The following ASXL2 variants were observed in gnomAD, a reference collection of about 807,000 sequenced individuals.
ASXL2 encodes ASXL transcriptional regulator 2, also known as putative Polycomb group protein ASXL2.
Under a neutral mutation model 122.0 loss-of-function variants are expected in ASXL2, and 23 were observed. That is an observed-to-expected ratio of 0.19 (90% CI 0.14 to 0.27). ASXL2 has a LOEUF of 0.27. Ranked by LOEUF, ASXL2 falls within the 10% of genes least tolerant of loss-of-function variation. ASXL2 has a pLI of 1.00. For missense variants in ASXL2, 1,518 were observed against 1,713.8 expected (o/e 0.89, Z 2.02); for synonymous variants, 650 against 637.0 (o/e 1.02, Z -0.31).
Position 25,742,622 on chromosome 2 carries a change from C to T in ASXL2, c.3715G>A (p.Glu1239Lys). 1 of 1,613,940 alleles carries T rather than the reference C, an allele frequency of 6.2e-7. No homozygotes were observed. Among genetic ancestry groups the T allele is most frequent in the East Asian group, 2.2e-5 (1 of 44,874 alleles). Residue 1239 changes from glutamate to lysine, a missense_variant, in exon 13 of 13, where the codon GAG becomes AAG. This residue lies in a region of ASXL2 where 831 missense variants were observed against 833.1 expected (regional missense o/e 1.00). Transcript: ENST00000435504. The part of the protein sequence containing the change: ...KNVKAEIPLN[E>K]QTTLSKENYL... ...TTCTCCTTACTTAAAGTGGTTTGCT[C>T]ATTCAATGGTATCTCAGCCTTCACA...
chr2:25,795,408 C>T (rs1273177073), intron 5 of ASXL2, among the ~76,000 whole-genome samples: 3 of 152,158 alleles, frequency 2.0e-5, no homozygotes, highest in African/African-American at 2.4e-5. Context: ...TCTACCTATT[C>T]GGCTACTGAC....
chr2:25,777,646 A>T (rs937123585), intron 5 of ASXL2, among the ~76,000 whole-genome samples: 2 of 152,112 alleles, frequency 1.3e-5, no homozygotes, highest in African/African-American at 4.8e-5. Context: ...CTTCTGTCTT[A>T]TAATTCCTTT....
At chr2:25,775,740 C>A (rs931743676) in intron 5 of ASXL2, among the ~76,000 whole-genome samples, 27 of 152,292 alleles carry the variant, frequency 1.8e-4, no homozygotes, top group African/African-American at 6.5e-4. Context: ...ATAAATTACC[C>A]AGTCTCAGGT....
chr2:25,767,886 A>G (rs1404435025), intron 7 of ASXL2, among the ~76,000 whole-genome samples, 160 bp from the exon 8 acceptor site: 2 of 152,230 alleles, frequency 1.3e-5, no homozygotes, highest in Middle Eastern at 3.2e-3. Flanking sequence ...GAGTAAAATA[A>G]AACCCTGTTT....
intron 2 of ASXL2, among the ~76,000 whole-genome samples, chr2:25,843,743 A>G (rs1290660505): frequency 2.0e-5 from 3 of 149,756 alleles, no homozygotes; most frequent in African/African-American, 7.4e-5. Flanking sequence ...TGAAGGCTGC[A>G]GTACACCATG....
At chr2:25,806,705 G>A (rs1159548619) in intron 3 of ASXL2, among the ~76,000 whole-genome samples, 1 of 152,078 alleles carries the variant, frequency 6.6e-6, no homozygotes, top group Non-Finnish European at 1.5e-5. Flanking sequence ...CAAATAAACA[G>A]TAATAATTCC....
At chr2:25,793,329 A>C (rs997451) in intron 5 of ASXL2, among the ~76,000 whole-genome samples, 2,927 of 152,280 alleles carry the variant, frequency 0.019, 302 homozygotes, top group Admixed American at 0.16. Context: ...TCGTTGCTGG[A>C]TATTTACATA....
chr2:25,807,346 A>G (rs1206243256), intron 3 of ASXL2, among the ~76,000 whole-genome samples: 3 of 152,196 alleles, frequency 2.0e-5, no homozygotes, highest in African/African-American at 7.2e-5. Context: ...GAGCTGGGAC[A>G]TGAGTCCACT....
intron 5 of ASXL2, among the ~76,000 whole-genome samples, chr2:25,781,357 C>T (rs2088633915): frequency 1.3e-5 from 2 of 151,750 alleles, no homozygotes; most frequent in South Asian, 2.1e-4. Flanking sequence ...CGTGATGGTG[C>T]TACTGCACTC....
chr2:25,792,769 C>T (rs1350487676), intron 5 of ASXL2, among the ~76,000 whole-genome samples: 1 of 151,626 alleles, frequency 6.6e-6, no homozygotes, highest in African/African-American at 2.4e-5. Flanking sequence ...CCACACCCAG[C>T]TAATTTTTGT....
At chr2:25,811,992 A>C (rs2089175933) in intron 3 of ASXL2, among the ~76,000 whole-genome samples, 1 of 151,906 alleles carries the variant, frequency 6.6e-6, no homozygotes, top group South Asian at 2.1e-4. Flanking sequence ...ACCTCAAGTG[A>C]TCCACACGCA....
At position 25,744,147 on chromosome 2, in the gene ASXL2, T is replaced by G. The variant is rs1287433846; in HGVS notation, c.2190A>C (p.Glu730Asp). The G allele has an allele frequency of 9.9e-6, 16 of 1,613,998 alleles. No individual in the cohort carries two copies. Among genetic ancestry groups the G allele is most frequent in the Non-Finnish European group, 1.3e-5 (15 of 1,179,876 alleles). The change falls in exon 13 of 13, where the codon GAA becomes GAC. Residue 730 changes from glutamate to aspartate, a missense_variant. Glu to Asp is a conservative substitution (Grantham distance 45). This residue lies in a region of ASXL2 where 831 missense variants were observed against 833.1 expected (regional missense o/e 1.00). Transcript: ENST00000435504. The surrounding 1 kb of genome is among the most constrained non-coding windows in gnomAD (Gnocchi z 4.7). ...CTCCCCTGCTTCCAGTTCCTGCCAG[T>G]TCCAGTGTGGGGCCCTTTCCAGTTT... ...VSETGKGPTL[E>D]LAGTGSRGGT...
At chr2:25,868,943 T>A (rs921976206) in intron 1 of ASXL2, among the ~76,000 whole-genome samples, 3 of 152,040 alleles carry the variant, frequency 2.0e-5, no homozygotes, top group African/African-American at 4.8e-5. Context: ...GGTGGGTGGA[T>A]CACCTCAGGT....
rs2087725398 is a variant in ASXL2, at chr2:25,735,778, T to TA, written c.*6250dup. ...TAGACAACTTTAGCTATTCCAACAA[T>TA]AGTTCTCAAAAAAGGTGCATTTTAT... On this transcript the variant is annotated 3_prime_UTR_variant, in exon 13 of 13. Transcript: ENST00000435504. The TA allele has an allele frequency of 6.6e-6, 1 of 152,206 alleles. No homozygotes were observed. Among genetic ancestry groups the TA allele is most frequent in the Non-Finnish European group, 1.5e-5 (1 of 68,026 alleles). 9.4% of individuals were successfully genotyped at this position (152,206 alleles called of 1,614,324 possible).
At chr2:25,754,629 A>C (rs919015164) in intron 10 of ASXL2, among the ~76,000 whole-genome samples, 2 of 152,180 alleles carry the variant, frequency 1.3e-5, no homozygotes, top group African/African-American at 4.8e-5. Flanking sequence ...GTTGTTGTTC[A>C]TAAAATATGA....
rs2087699666 is a variant in ASXL2, at chr2:25,734,357, T to G, written c.*7672A>C. 4 of 152,130 alleles carry G rather than the reference T, an allele frequency of 2.6e-5. No individual in the cohort carries two copies. 9.4% of individuals were successfully genotyped at this position (152,130 alleles called of 1,614,324 possible). A position where few individuals can be genotyped will look rare whatever the true frequency, so the allele number is the denominator to read the frequency against. ...TGATTATATGTAGGTTAAGCTGGGGTCACTACTGAAGAAGTCTCCAAACTA... is the reference window on the plus strand; with the variant it reads ...TGATTATATGTAGGTTAAGCTGGGGGCACTACTGAAGAAGTCTCCAAACTA... On this transcript the variant is annotated 3_prime_UTR_variant, in exon 13 of 13. Transcript: ENST00000435504.
In ASXL2 at chr2:25,742,268, C is replaced by T. The variant is rs2087841607; in HGVS notation, c.4069G>A (p.Val1357Ile). 2.5e-6 allele frequency: 4 copies of T among 1,613,890 alleles called. No individual in the cohort carries two copies. Among genetic ancestry groups the T allele is most frequent in the Non-Finnish European group, 3.4e-6 (4 of 1,179,900 alleles). The part of the protein sequence containing the change: ...GSQVSSNVGD[V>I]MSFSVTVTTI... ...GTGACAGTCACTGAAAATGACATGA[C>T]ATCACCTACATTGCTAGATACCTGG... is the stretch of plus-strand genomic sequence containing the variant. Residue 1357 changes from valine (V) to isoleucine (I), a missense_variant, in exon 13 of 13, where the codon GTC becomes ATC. Around this residue, in one of 8 missense-constraint regions of ASXL2, gnomAD observed 831 missense variants for 833.1 expected, o/e 1.00. Coordinates refer to ENST00000435504, the MANE Select transcript of ASXL2 (RefSeq NM_018263.6).
chr2:25,828,824 C>CAAAAAAAA (rs1031358836), intron 3 of ASXL2, among the ~76,000 whole-genome samples: 61 of 50,018 alleles, frequency 1.2e-3, no homozygotes, highest in African/African-American at 1.4e-3. Flanking sequence ...GACTGTGTCT[C>CAAAAAAAA]AAAAAAAAAA....
At chr2:25,762,720 G>A (rs1454731123) in intron 8 of ASXL2, among the ~76,000 whole-genome samples, 1 of 128,122 alleles carries the variant, frequency 7.8e-6, no homozygotes, top group African/African-American at 3.0e-5. Context: ...ACAGCCATAG[G>A]ATAAAAAACT....
Sources: allele counts gnomAD v4.1 joint callset (sites outside exome capture counted in the v4.1 genomes callset), GRCh38; gene constraint gnomAD v4.1.1; regional missense constraint gnomAD v4.1.1; non-coding constraint Gnocchi (gnomAD v3.1); transcripts MANE v1.5; gene names NCBI Gene and HGNC (gene_info 2026-07-23, HGNC 2026-07-21).